Variants in LANCL3 observed in about 807,000 individuals in gnomAD.
The protein encoded by LANCL3 is lanC-like protein 3.
Under a neutral mutation model 26.5 loss-of-function variants are expected in LANCL3, and 19 were observed. That is an observed-to-expected ratio of 0.72 (90% CI 0.50 to 1.05). LANCL3 has a LOEUF of 1.05. Ranked by LOEUF, LANCL3 falls within the 50% of genes least tolerant of loss-of-function variation. LANCL3 has a pLI of 0.00. For missense variants in LANCL3, 318 were observed against 362.7 expected (o/e 0.88, Z 1.00); for synonymous variants, 160 against 166.6 (o/e 0.96, Z 0.30).
intron 1 of LANCL3, among the ~76,000 whole-genome samples, chrX:37,597,429 T>TA (rs1347435568): frequency 5.4e-5 from 6 of 111,684 alleles, no homozygotes; most frequent in African/African-American, 1.6e-4. Flanking sequence ...CAAAAACTGT[T>TA]AGAGTGTTTT....
intron 1 of LANCL3, among the ~76,000 whole-genome samples, chrX:37,594,322 C>A (rs1569462749): frequency 8.9e-6 from 1 of 112,120 alleles, no homozygotes. Context: ...CTATTTAATT[C>A]TTGCAATATC....
intron 1 of LANCL3, among the ~76,000 whole-genome samples, chrX:37,606,244 T>TG (rs201576132): frequency 0.012 from 1,394 of 111,674 alleles, 9 homozygotes; most frequent in Non-Finnish European, 0.02. Flanking sequence ...AGGTTTTTAT[T>TG]GGGGGGTGGT....
chrX:37,677,680 CTA>C lies in LANCL3; in HGVS notation c.*1872_*1873del, dbSNP rs1425550847. 3 of 111,464 alleles carry C rather than the reference CTA, an allele frequency of 2.7e-5. No individual in the cohort carries two copies. Among genetic ancestry groups the C allele is most frequent in the Non-Finnish European group, 3.8e-5 (2 of 53,000 alleles). 9.2% of individuals were successfully genotyped at this position (111,464 alleles called of 1,213,427 possible). A position where few individuals can be genotyped will look rare whatever the true frequency, so the allele number is the denominator to read the frequency against. ...ATATAGGCTGAATATAATAACCATC[CTA>C]TATACAGAGCTTTATGGAACACATG... On this transcript the variant is annotated 3_prime_UTR_variant, in exon 5 of 5. Coordinates refer to ENST00000378619, the MANE Select transcript of LANCL3 (RefSeq NM_001170331.2).
chrX:37,641,763 A>G (rs1190886547), intron 1 of LANCL3, among the ~76,000 whole-genome samples: 1 of 111,762 alleles, frequency 8.9e-6, no homozygotes, highest in African/African-American at 3.3e-5. Context: ...AATTGTTCAG[A>G]TATTGTTCAA....
At chrX:37,607,614 A>T (rs1924752647) in intron 1 of LANCL3, among the ~76,000 whole-genome samples, 1 of 112,547 alleles carries the variant, frequency 8.9e-6, no homozygotes, top group African/African-American at 3.2e-5. Context: ...CTTTCATAAC[A>T]TTTGTCATCA....
At chrX:37,612,916 TG>T (rs1293049465) in intron 1 of LANCL3, among the ~76,000 whole-genome samples, 2 of 111,739 alleles carry the variant, frequency 1.8e-5, no homozygotes, top group Admixed American at 1.9e-4. Context: ...CCTGAGTGCT[TG>T]GGCCTGCTAT....
rs909796347 is a variant in LANCL3, at chrX:37,683,465, T to C, written c.*7652T>C. The stretch of plus-strand genomic sequence containing the variant: ...AAATTATAAAAAAAAATAATAGTGA[T>C]TGGTTGTTACTACTTTAAAATCCTA... On this transcript the variant is annotated 3_prime_UTR_variant, in exon 5 of 5. Transcript: ENST00000378619. The C allele has an allele frequency of 7.1e-5, 8 of 112,178 alleles. No individual in the cohort carries two copies. The highest frequency in any genetic ancestry group is 2.6e-4 in the African/African-American group (8 of 30,952). The allele number at this position is 112,178 out of a possible 1,213,427, so 9.2% of individuals were successfully genotyped here.
At chrX:37,603,388 ATTTGTAAGTACTACTCCCTC>A (rs1413763255) in intron 1 of LANCL3, among the ~76,000 whole-genome samples, 1 of 111,907 alleles carries the variant, frequency 8.9e-6, no homozygotes, top group Non-Finnish European at 1.9e-5. Flanking sequence ...TTGTTGACAT[ATTTGTAAGTACTACTCCCTC>A]TTTTGTGTCT....
intron 1 of LANCL3, among the ~76,000 whole-genome samples, chrX:37,614,150 T>C (rs1924948939): frequency 8.9e-6 from 1 of 111,874 alleles, no homozygotes; most frequent in Non-Finnish European, 1.9e-5. Flanking sequence ...TCCTTGGTTC[T>C]TGTTTGCTTT....
At chrX:37,606,411 G>C (rs1924717301) in intron 1 of LANCL3, among the ~76,000 whole-genome samples, 1 of 112,129 alleles carries the variant, frequency 8.9e-6, no homozygotes, top group East Asian at 2.8e-4. Context: ...GTTCCCAAAT[G>C]CCAGCCAAGG....
rs1926938027 is a variant in LANCL3 at position 37,681,624 on chromosome X, A to G, written c.*5811A>G. On this transcript the variant is annotated 3_prime_UTR_variant, in exon 5 of 5. Transcript: ENST00000378619. ...ATTATTTTACCCCCTTTTGAAGATT[A>G]CATGGTACATTAACATATTAAAGAT... 1 of 112,364 alleles carries G rather than the reference A, an allele frequency of 8.9e-6. No homozygotes were observed. Among genetic ancestry groups the G allele is most frequent in the Admixed American group, 9.4e-5 (1 of 10,676 alleles). The allele number at this position is 112,364 out of a possible 1,213,427, so 9.3% of individuals were successfully genotyped here.
intron 1 of LANCL3, among the ~76,000 whole-genome samples, chrX:37,630,378 T>C (rs1386580203): frequency 1.8e-5 from 2 of 109,987 alleles, no homozygotes; most frequent in African/African-American, 6.6e-5. Context: ...TCTAGATATA[T>C]AATCATGTCA....
intron 1 of LANCL3, among the ~76,000 whole-genome samples, chrX:37,643,379 A>G (rs1925915453): frequency 8.9e-6 from 1 of 112,262 alleles, no homozygotes; most frequent in East Asian, 2.8e-4. Flanking sequence ...TATACAGTAT[A>G]TAGATTTATA....
Position 37,684,381 on chromosome X carries a change from C to T in LANCL3, c.*8568C>T, listed in dbSNP as rs1927007182. ...TGTTATTTATTGGCTTATTGCCCCT[C>T]CTTATAATACATTTATGTACAGTAC... is the stretch of plus-strand genomic sequence containing the variant. On this transcript the variant is annotated 3_prime_UTR_variant, in exon 5 of 5. Transcript: ENST00000378619. 1 of 112,765 alleles carries T rather than the reference C, an allele frequency of 8.9e-6. No individual in the cohort carries two copies. Among genetic ancestry groups the T allele is most frequent in the South Asian group, 3.6e-4 (1 of 2,778 alleles). 9.3% of individuals were successfully genotyped at this position (112,765 alleles called of 1,213,427 possible). A position where few individuals can be genotyped will look rare whatever the true frequency, so the allele number is the denominator to read the frequency against.
chrX:37,626,136 T>G (rs1309228388), intron 1 of LANCL3, among the ~76,000 whole-genome samples: 1 of 112,357 alleles, frequency 8.9e-6, no homozygotes, highest in Non-Finnish European at 1.9e-5. Context: ...CAATATTCCA[T>G]TCCATCTTCT....
chrX:37,643,662 A>G (rs1013286832), intron 1 of LANCL3, among the ~76,000 whole-genome samples: 3 of 112,375 alleles, frequency 2.7e-5, no homozygotes, highest in Non-Finnish European at 5.6e-5. Flanking sequence ...GAAGGGTCAT[A>G]CATTGCTAGT....
At chrX:37,631,890 A>C (rs1422429523) in intron 1 of LANCL3, among the ~76,000 whole-genome samples, 1 of 110,014 alleles carries the variant, frequency 9.1e-6, no homozygotes, top group African/African-American at 3.3e-5. Context: ...TCAATTTTGG[A>C]ATAGGTGTGG....
intron 1 of LANCL3, among the ~76,000 whole-genome samples, chrX:37,577,161 A>G (rs1303813028): frequency 8.9e-6 from 1 of 112,531 alleles, no homozygotes; most frequent in African/African-American, 3.2e-5. Flanking sequence ...AATGATAACA[A>G]GGGGGACTGG....
intron 1 of LANCL3, among the ~76,000 whole-genome samples, chrX:37,614,133 T>A (rs1295625693): frequency 4.5e-5 from 5 of 111,923 alleles, no homozygotes; most frequent in African/African-American, 1.6e-4. Context: ...TTTTACTTCC[T>A]CTTTTGTCCT....
Sources: allele counts gnomAD v4.1 joint callset (sites outside exome capture counted in the v4.1 genomes callset), GRCh38; gene constraint gnomAD v4.1.1; transcripts MANE v1.5; gene names NCBI Gene and HGNC (gene_info 2026-07-23, HGNC 2026-07-21).